CPEB3: variants seen among roughly 807,000 people sequenced by gnomAD.
CPEB3 encodes cytoplasmic polyadenylation element binding protein 3.
A neutral mutation model predicts 67.2 loss-of-function variants in CPEB3; 20 were observed. The observed-to-expected ratio is 0.30, with a 90% confidence interval of 0.21 to 0.43. The LOEUF (loss-of-function observed/expected upper bound fraction) is 0.43, where lower values mean the gene tolerates loss of function less well. Ranked by LOEUF, CPEB3 falls within the 20% of genes least tolerant of loss-of-function variation. The pLI is 1.00. For synonymous variants in CPEB3, 376 were observed against 393.1 expected, an observed-to-expected ratio of 0.96 and a Z score of 0.51; for missense variants, 746 against 968.6, an observed-to-expected ratio of 0.77 and a Z score of 3.05.
chr10:92,063,294 G>A lies in CPEB3; in HGVS notation c.1870-10855C>T, dbSNP rs377254126. 2.6e-5 allele frequency among the ~76,000 whole-genome samples: 4 copies of A among 152,336 alleles called. No homozygotes were observed. In the South Asian group the frequency reaches 6.2e-4, roughly 24 times the overall value. On this transcript the variant is annotated intron_variant, in intron 9 of 9. Transcript: ENST00000265997. ...GCAGAGAATAGACACTAGGGAGACC[G>A]TAAACTATTCGCAGGTGCAGAATTC...
chr10:92,234,133 A>C (rs1361125135), intron 2 of CPEB3, among the ~76,000 whole-genome samples: 1 of 149,374 alleles, frequency 6.7e-6, no homozygotes, highest in Non-Finnish European at 1.5e-5. Context: ...AAGGAGAAGG[A>C]TAAAGGCAGA....
At chr10:92,254,772 C>T (rs1852448676) in intron 1 of CPEB3, among the ~76,000 whole-genome samples, 1 of 152,174 alleles carries the variant, frequency 6.6e-6, no homozygotes, top group Non-Finnish European at 1.5e-5. Flanking sequence ...GATCCTCCCA[C>T]CTCAGTCTCC....
chr10:92,165,978 T>C (rs1471240260), intron 4 of CPEB3, among the ~76,000 whole-genome samples: 1 of 152,244 alleles, frequency 6.6e-6, no homozygotes, highest in African/African-American at 2.4e-5. Context: ...TTTGACCTCG[T>C]CCAATGAATC....
intron 1 of CPEB3, among the ~76,000 whole-genome samples, chr10:92,287,485 G>T (rs1842585487): frequency 6.6e-6 from 1 of 152,076 alleles, no homozygotes. Flanking sequence ...CACAATATGT[G>T]TCACCCATTT....
chr10:92,166,675 G>A (rs1847759870), intron 4 of CPEB3, among the ~76,000 whole-genome samples: 1 of 152,152 alleles, frequency 6.6e-6, no homozygotes, highest in Non-Finnish European at 1.5e-5. Flanking sequence ...TTCTATTTGT[G>A]GAGAACAGGC....
At chr10:92,058,684 T>C (rs973302522) in intron 9 of CPEB3, among the ~76,000 whole-genome samples, 7 of 151,716 alleles carry the variant, frequency 4.6e-5, no homozygotes, top group Admixed American at 1.3e-4. Context: ...AAGAGAAAGA[T>C]AGGCTCCGAT....
intron 1 of CPEB3, among the ~76,000 whole-genome samples, chr10:92,265,666 T>C (rs1853019797): frequency 6.6e-6 from 1 of 151,476 alleles, no homozygotes; most frequent in Non-Finnish European, 1.5e-5. Context: ...GGAGAATCGC[T>C]TGAACCCAGG....
intron 6 of CPEB3, among the ~76,000 whole-genome samples, chr10:92,120,891 G>A (rs1845336351): frequency 6.6e-6 from 1 of 151,850 alleles, no homozygotes; most frequent in Non-Finnish European, 1.5e-5. Flanking sequence ...AGTAGAGACG[G>A]GGTTTTGCCA....
chr10:92,142,398 G>T (rs1846478950), intron 6 of CPEB3, among the ~76,000 whole-genome samples: 1 of 152,100 alleles, frequency 6.6e-6, no homozygotes, highest in Non-Finnish European at 1.5e-5. Context: ...ACACCCAAAT[G>T]AATATCACCA....
intron 1 of CPEB3, among the ~76,000 whole-genome samples, chr10:92,262,026 C>A (rs544180399): frequency 2.0e-5 from 3 of 152,324 alleles, no homozygotes; most frequent in African/African-American, 7.2e-5. Context: ...CTTGCTCTAA[C>A]CAACTGAAGC....
intron 1 of CPEB3, among the ~76,000 whole-genome samples, chr10:92,254,480 G>T (rs1852436488): frequency 6.6e-6 from 1 of 152,162 alleles, no homozygotes; most frequent in African/African-American, 2.4e-5. Flanking sequence ...AGGTGAGCTA[G>T]ATGTAGCTTA....
intron 1 of CPEB3, among the ~76,000 whole-genome samples, chr10:92,271,062 AG>A (rs1853287522): frequency 6.6e-6 from 1 of 152,104 alleles, no homozygotes; most frequent in Non-Finnish European, 1.5e-5. Context: ...CTGTAGTCCC[AG>A]CCCCAGTCAC....
intron 4 of CPEB3, among the ~76,000 whole-genome samples, chr10:92,160,104 G>A (rs897333621): frequency 2.6e-5 from 4 of 151,928 alleles, no homozygotes; most frequent in African/African-American, 9.7e-5. Flanking sequence ...TGGTCACCAC[G>A]CCTGGCTAAT....
intron 2 of CPEB3, chr10:92,216,434 G>A: frequency 1.9e-6 from 3 of 1,612,584 alleles, no homozygotes; most frequent in African/African-American, 1.3e-5. Context: ...GAACCCCATC[G>A]CGCAGCTCCT....
Position 92,076,730 on chromosome 10 carries a change from T to TA in CPEB3, c.1869+4589dup, listed in dbSNP as rs2133177833. ...TGCCTGGCCTACTCATGTTTGTTGA[T>TA]ATGGGAAAGTAAATAAAGGTTTCAA... On this transcript the variant is annotated intron_variant, in intron 9 of 9. Transcript: ENST00000265997. Among the ~76,000 whole-genome samples, 3 of 151,404 alleles carry TA rather than the reference T, an allele frequency of 2.0e-5. No individual in the cohort carries two copies. The South Asian group carries it at 6.4e-4, about 32-fold the overall frequency.
At chr10:92,199,871 C>T (rs1159658087) in intron 2 of CPEB3, among the ~76,000 whole-genome samples, 1 of 146,216 alleles carries the variant, frequency 6.8e-6, no homozygotes, top group East Asian at 2.0e-4. Flanking sequence ...ACATAATATA[C>T]GAACCTATTT....
At chr10:92,073,202 TA>T (rs1392095597) in intron 9 of CPEB3, among the ~76,000 whole-genome samples, 1 of 151,924 alleles carries the variant, frequency 6.6e-6, no homozygotes, top group Admixed American at 6.6e-5. Flanking sequence ...TATGCACTGC[TA>T]ATTTTTTTTA....
intron 9 of CPEB3, among the ~76,000 whole-genome samples, chr10:92,060,575 C>T (rs1842302981): frequency 6.6e-6 from 1 of 152,080 alleles, no homozygotes; most frequent in Non-Finnish European, 1.5e-5. Context: ...AACAAAGAGA[C>T]AACCCACTGA....
chr10:92,285,640 T>C (rs1009073343), intron 1 of CPEB3, among the ~76,000 whole-genome samples: 5 of 152,210 alleles, frequency 3.3e-5, no homozygotes, highest in African/African-American at 7.2e-5. Flanking sequence ...CTTCATATTT[T>C]CCGCTTACAT....
Sources: allele counts gnomAD v4.1 joint callset (sites outside exome capture counted in the v4.1 genomes callset), GRCh38; gene constraint gnomAD v4.1.1; transcripts MANE v1.5; gene names NCBI Gene and HGNC (gene_info 2026-07-23, HGNC 2026-07-21).